The following TMEM266 variants were observed in gnomAD, a reference collection of about 807,000 sequenced individuals.
The protein encoded by TMEM266 is transmembrane protein 266, also known as Hv1 related protein 1.
Under a neutral mutation model 50.5 loss-of-function variants are expected in TMEM266, and 33 were observed. The observed-to-expected ratio is 0.65, with a 90% CI of 0.50 to 0.87. TMEM266 has a LOEUF of 0.87. TMEM266 is among the 40% of genes least tolerant of loss of function. TMEM266 has a pLI of 0.00. For missense variants in TMEM266, 655 were observed against 695.1 expected, an observed-to-expected ratio of 0.94 and a Z score of 0.65; for synonymous variants, 310 against 292.3, an observed-to-expected ratio of 1.06 and a Z score of -0.62.
intron 1 of TMEM266, among the ~76,000 whole-genome samples, chr15:76,126,741 C>T (rs1319105632): frequency 3.9e-5 from 6 of 152,070 alleles, no homozygotes; most frequent in Admixed American, 6.6e-5. Context: ...GTTGGCCAGG[C>T]TGGTCTCGAC....
At chr15:76,125,336 T>A (rs2037404565) in intron 1 of TMEM266, among the ~76,000 whole-genome samples, 1 of 151,904 alleles carries the variant, frequency 6.6e-6, no homozygotes, top group African/African-American at 2.4e-5. Flanking sequence ...AACAACAAAA[T>A]GAAAAGGCAA....
chr15:76,106,463 C>T (rs1174859144), intron 1 of TMEM266, among the ~76,000 whole-genome samples: 5 of 152,080 alleles, frequency 3.3e-5, no homozygotes, highest in Admixed American at 2.0e-4. Flanking sequence ...TTTAGAGACA[C>T]GGTCTCGCTC....
rs117911146 is a variant in TMEM266, at chr15:76,141,622, C to T, written c.227+3727C>T. On this transcript the variant is annotated intron_variant, in intron 3 of 10. Transcript: ENST00000388942. ...ATGTACCATCTTAACCATTCCTAAG[C>T]GTAGGCTTCAGTGGCATTAAGGACA... 2.8e-3 allele frequency among the ~76,000 whole-genome samples: 427 copies of T among 152,256 alleles called. 3 individuals carry two copies. Among genetic ancestry groups the T allele is most frequent in the African/African-American group, 6.6e-3 (276 of 41,542 alleles).
chr15:76,079,881 G>A lies in TMEM266; in HGVS notation c.-97+19865G>A, dbSNP rs567722364. ...GACATAACTCAACCCACTATAGGTC[G>A]TAAGTTTGGAAAAGATGCCAAGACT... On this transcript the variant is annotated intron_variant, in intron 1 of 10. Coordinates refer to ENST00000388942, the MANE Select transcript of TMEM266 (RefSeq NM_152335.3). Among the ~76,000 whole-genome samples, 7 of 151,888 alleles carry A rather than the reference G, an allele frequency of 4.6e-5. No homozygotes were observed. The South Asian group carries it at 6.2e-4, about 14-fold the overall frequency.
At chr15:76,091,770 C>G (rs2036852487) in intron 1 of TMEM266, among the ~76,000 whole-genome samples, 1 of 151,886 alleles carries the variant, frequency 6.6e-6, no homozygotes, top group South Asian at 2.1e-4. Flanking sequence ...GGGAGGATCA[C>G]TTGAGCCCAG....
At chr15:76,079,561 G>A (rs1199331090) in intron 1 of TMEM266, among the ~76,000 whole-genome samples, 5 of 149,844 alleles carry the variant, frequency 3.3e-5, no homozygotes, top group African/African-American at 9.9e-5. Context: ...AGGCTGAGGC[G>A]GGCAGATCAC....
intron 1 of TMEM266, among the ~76,000 whole-genome samples, chr15:76,094,416 A>G (rs1157474575): frequency 6.6e-6 from 1 of 152,114 alleles, no homozygotes; most frequent in African/African-American, 2.4e-5. Context: ...GTCAAAGATC[A>G]GATGGTTGTA....
At chr15:76,137,931 C>T (rs1287430182) in intron 3 of TMEM266, 36 bp downstream of exon 3, 8 of 1,524,850 alleles carry the variant, frequency 5.2e-6, no homozygotes, top group Non-Finnish European at 8.8e-7. Flanking sequence ...CTAAGAAGTC[C>T]CTGGGTTAGG....
intron 8 of TMEM266, among the ~76,000 whole-genome samples, chr15:76,186,601 C>T (rs185852244): frequency 6.6e-6 from 1 of 152,348 alleles, no homozygotes; most frequent in East Asian, 1.9e-4. Context: ...TGATATCGCA[C>T]CTCCGAGGTA....
At chr15:76,198,075 G>A (rs768847028) in intron 9 of TMEM266, among the ~76,000 whole-genome samples, 1 of 152,200 alleles carries the variant, frequency 6.6e-6, no homozygotes, top group Non-Finnish European at 1.5e-5. Context: ...GGTTCAGGGA[G>A]GCAAGGGATG....
chr15:76,111,665 C>A (rs1255267017), intron 1 of TMEM266, among the ~76,000 whole-genome samples: 1 of 150,958 alleles, frequency 6.6e-6, no homozygotes, highest in Non-Finnish European at 1.5e-5. Flanking sequence ...GCCTCAGCCT[C>A]CCAAAGTGCT....
intron 1 of TMEM266, among the ~76,000 whole-genome samples, chr15:76,064,406 A>G (rs1356839601): frequency 6.6e-6 from 1 of 152,152 alleles, no homozygotes; most frequent in African/African-American, 2.4e-5. Flanking sequence ...TCTTTCATTC[A>G]TCTATTGTTT....
intron 3 of TMEM266, among the ~76,000 whole-genome samples, chr15:76,144,793 ACACT>A (rs1237334225): frequency 1.3e-5 from 2 of 152,252 alleles, no homozygotes; most frequent in Middle Eastern, 3.4e-3. Context: ...ACGTGAACAG[ACACT>A]CAGGAGAAGG....
At chr15:76,129,918 A>G (rs914885179) in intron 1 of TMEM266, among the ~76,000 whole-genome samples, 2 of 152,080 alleles carry the variant, frequency 1.3e-5, no homozygotes, top group Non-Finnish European at 2.9e-5. Flanking sequence ...ATGCCTGGAT[A>G]TTTAATGATA....
chr15:76,185,362 T>A (rs1288809473), intron 8 of TMEM266, among the ~76,000 whole-genome samples: 1 of 152,194 alleles, frequency 6.6e-6, no homozygotes, highest in East Asian at 1.9e-4. Context: ...TTGATGTTTT[T>A]CTATAGACCT....
At chr15:76,189,278 A>G (rs1258341629) in intron 8 of TMEM266, among the ~76,000 whole-genome samples, 1 of 147,106 alleles carries the variant, frequency 6.8e-6, no homozygotes, top group Admixed American at 6.7e-5. Context: ...GGAAGGGAGG[A>G]AGGAAGGGTA....
rs546652023 is a variant in TMEM266 at position 76,180,831 on chromosome 15, C to T, written c.768+5157C>T. ...GTTTCACCATGTTGACCAGGCTGGT[C>T]TCAAACTCCTGACCTCAGGTGATCC... On this transcript the variant is annotated intron_variant, in intron 8 of 10. Coordinates refer to ENST00000388942, the MANE Select transcript of TMEM266 (RefSeq NM_152335.3). The T allele has an allele frequency of 9.2e-5, 14 of 152,106 alleles. 1 individual carries two copies. The highest frequency in any genetic ancestry group is 3.4e-4 in the African/African-American group (14 of 41,496). The allele number at this position is 152,106 out of a possible 1,614,324, so 9.4% of individuals were successfully genotyped here.
chr15:76,191,795 A>G lies in TMEM266; in HGVS notation c.769-173A>G, dbSNP rs149589241. On this transcript the variant is annotated intron_variant, in intron 8 of 10. Coordinates refer to ENST00000388942, the MANE Select transcript of TMEM266 (RefSeq NM_152335.3). Reference sequence around the variant, plus strand: ...TGGAAAAGGCTCCGCAACCGTAAGAAGCTCTTGCGAACCGCGATGCTGGGA... The same window carrying G: ...TGGAAAAGGCTCCGCAACCGTAAGAGGCTCTTGCGAACCGCGATGCTGGGA... 6.6e-4 allele frequency: 400 copies of G among 601,752 alleles called. 7 individuals carry two copies. In the East Asian group the frequency reaches 0.011, roughly 17 times the overall value. The allele number at this position is 601,752 out of a possible 1,614,324, so 37.3% of individuals were successfully genotyped here.
At chr15:76,119,690 C>A (rs1027942646) in intron 1 of TMEM266, among the ~76,000 whole-genome samples, 2 of 152,044 alleles carry the variant, frequency 1.3e-5, no homozygotes, top group Admixed American at 1.3e-4. Flanking sequence ...TTACTTGAAC[C>A]CAGGAGGTGG....
Sources: gnomAD v4.1 joint callset for allele counts (sites outside exome capture counted in the v4.1 genomes callset) on GRCh38, gnomAD v4.1.1 for gene constraint, MANE v1.5 for transcripts, NCBI Gene and HGNC (gene_info 2026-07-23, HGNC 2026-07-21) for gene names.